RCOR1: variants seen among roughly 807,000 people sequenced by gnomAD.
The protein encoded by RCOR1 is REST corepressor.
RCOR1 carries 12 observed loss-of-function variants against 64.0 expected under a neutral mutation model. The ratio of observed to expected loss-of-function variants is 0.19; its 90% CI spans 0.12 to 0.30. The LOEUF is 0.30. RCOR1 is among the 10% of genes least tolerant of loss of function. The pLI, the probability that RCOR1 is intolerant of heterozygous loss-of-function variation, is 1.00. For missense variants in RCOR1, 502 were observed against 621.2 expected (o/e 0.81, Z 2.04); for synonymous variants, 279 against 227.2 (o/e 1.23, Z -2.05).
intron 6 of RCOR1, 56 bp downstream of exon 6, chr14:102,708,639 A>G (rs529322884): frequency 3.2e-6 from 3 of 945,526 alleles, no homozygotes; most frequent in African/African-American, 3.3e-5. Context: ...TAAGAGCCCC[A>G]GATACACAAA....
chr14:102,719,940 CT>C (rs1896144112), intron 8 of RCOR1, among the ~76,000 whole-genome samples: 1 of 152,162 alleles, frequency 6.6e-6, no homozygotes, highest in Non-Finnish European at 1.5e-5. Flanking sequence ...AATCTGAGTA[CT>C]TTGCAATTTT....
chr14:102,644,763 C>A (rs1260981473), intron 2 of RCOR1, among the ~76,000 whole-genome samples: 1 of 152,192 alleles, frequency 6.6e-6, no homozygotes, highest in Non-Finnish European at 1.5e-5. Context: ...AAAGAGGAAA[C>A]AGGAGGCACA....
intron 3 of RCOR1, among the ~76,000 whole-genome samples, chr14:102,700,451 A>T (rs930568317): frequency 2.0e-5 from 3 of 152,080 alleles, no homozygotes; most frequent in African/African-American, 7.2e-5. Flanking sequence ...CGAACTCCTG[A>T]CCTCAAAGTG....
rs577058401 is a variant in RCOR1, at chr14:102,658,095, C to T, written c.362-23800C>T. The stretch of plus-strand genomic sequence containing the variant: ...GTTCAGGTGATTCTCCTGCCTCAGC[C>T]TCCCAAGTAATTGGGATTACAGATG... On this transcript the variant is annotated intron_variant, in intron 2 of 11. Transcript: ENST00000262241. 1.1e-5 allele frequency: 3 copies of T among 276,612 alleles called. No individual in the cohort carries two copies. In the South Asian group the frequency reaches 4.1e-4, roughly 38 times the overall value. The allele number at this position is 276,612 out of a possible 1,614,324, so 17.1% of individuals were successfully genotyped here. A position where few individuals can be genotyped will look rare whatever the true frequency, so the allele number is the denominator to read the frequency against.
intron 2 of RCOR1, chr14:102,657,768 G>T (rs1894754870): frequency 3.6e-5 from 21 of 577,818 alleles, no homozygotes; most frequent in Non-Finnish European, 4.6e-5. Context: ...AACCCCAGAG[G>T]CGGAGGTTGC....
intron 7 of RCOR1, 43 bp downstream of exon 7, chr14:102,711,056 T>TA: frequency 7.9e-7 from 1 of 1,263,730 alleles, no homozygotes; most frequent in Non-Finnish European, 1.1e-6. Flanking sequence ...TAAATTTTAT[T>TA]ACTAGTTTCA....
At chr14:102,672,815 T>G (rs1012062724) in intron 2 of RCOR1, among the ~76,000 whole-genome samples, 2 of 152,224 alleles carry the variant, frequency 1.3e-5, no homozygotes, top group Admixed American at 6.5e-5. Flanking sequence ...AATGTAAATG[T>G]AAATTGCTGT....
At chr14:102,726,168 G>A (rs1279942835) in intron 11 of RCOR1, among the ~76,000 whole-genome samples, 1 of 151,678 alleles carries the variant, frequency 6.6e-6, no homozygotes, top group Non-Finnish European at 1.5e-5. Flanking sequence ...CTCTACTGAA[G>A]GTACAAAAAT....
intron 2 of RCOR1, among the ~76,000 whole-genome samples, chr14:102,670,463 A>G (rs118146310): frequency 0.01 from 1,558 of 152,256 alleles, 15 homozygotes; most frequent in Admixed American, 0.015. Flanking sequence ...AGGTAACGGT[A>G]CTATGAATGT....
intron 3 of RCOR1, among the ~76,000 whole-genome samples, chr14:102,686,240 C>G (rs888392354): frequency 9.2e-5 from 14 of 151,868 alleles, no homozygotes; most frequent in African/African-American, 3.4e-4. Flanking sequence ...AGATTTTTGC[C>G]CCTTAATACA....
intron 2 of RCOR1, among the ~76,000 whole-genome samples, chr14:102,665,117 T>C (rs1286279366): frequency 6.6e-6 from 1 of 152,122 alleles, no homozygotes; most frequent in Non-Finnish European, 1.5e-5. Flanking sequence ...GCGATTCTTC[T>C]GCCTCAGCCT....
At chr14:102,669,366 C>T (rs1474987263) in intron 2 of RCOR1, among the ~76,000 whole-genome samples, 1 of 151,682 alleles carries the variant, frequency 6.6e-6, no homozygotes, top group Non-Finnish European at 1.5e-5. Flanking sequence ...AAAGTTGCTT[C>T]TGACTTCCTC....
chr14:102,659,713 C>T (rs1389077137), intron 2 of RCOR1, among the ~76,000 whole-genome samples: 1 of 152,122 alleles, frequency 6.6e-6, no homozygotes, highest in Non-Finnish European at 1.5e-5. Context: ...GAAGTAGTGT[C>T]ACATGGACAG....
rs1187726783 is a variant in RCOR1, at chr14:102,727,939, GT to G, written c.*1435del. The G allele has an allele frequency of 5.9e-5, 9 of 152,192 alleles. No homozygotes were observed. The highest frequency in any genetic ancestry group is 1.3e-4 in the Admixed American group (2 of 15,280). 9.4% of individuals were successfully genotyped at this position (152,192 alleles called of 1,614,324 possible). On this transcript the variant is annotated 3_prime_UTR_variant, in exon 12 of 12. Coordinates refer to ENST00000262241, the MANE Select transcript of RCOR1 (RefSeq NM_015156.4). Reference sequence around the variant, plus strand: ...TCAATACGCTGAAGTCGCTTTTGTTGTTGTTGTTGTTGTTTGCATCATTTGG... The same window carrying G: ...TCAATACGCTGAAGTCGCTTTTGTTGTGTTGTTGTTGTTTGCATCATTTGG...
At chr14:102,719,713 T>C (rs1896140538) in intron 8 of RCOR1, among the ~76,000 whole-genome samples, 1 of 152,232 alleles carries the variant, frequency 6.6e-6, no homozygotes, top group Non-Finnish European at 1.5e-5. Context: ...GAATTTTAGA[T>C]GTTTTGCATT....
At chr14:102,616,658 A>C (rs1216389871) in intron 2 of RCOR1, among the ~76,000 whole-genome samples, 4 of 152,098 alleles carry the variant, frequency 2.6e-5, no homozygotes, top group South Asian at 2.1e-4. Flanking sequence ...TAGCACTGGC[A>C]CTTCTGTCTT....
chr14:102,669,032 G>A (rs1475917093), intron 2 of RCOR1, among the ~76,000 whole-genome samples: 3 of 152,176 alleles, frequency 2.0e-5, no homozygotes, highest in African/African-American at 7.2e-5. Context: ...ATAGTTTGTA[G>A]AAAGATACAG....
intron 2 of RCOR1, among the ~76,000 whole-genome samples, chr14:102,601,293 T>A (rs928089250): frequency 1.3e-5 from 2 of 151,648 alleles, no homozygotes; most frequent in Non-Finnish European, 2.9e-5. Flanking sequence ...GATTACAGGC[T>A]TGAGCCACCG....
intron 2 of RCOR1, among the ~76,000 whole-genome samples, chr14:102,638,837 AT>A (rs1359482622): frequency 6.6e-6 from 1 of 151,742 alleles, no homozygotes; most frequent in African/African-American, 2.4e-5. Flanking sequence ...TAATGTTTGT[AT>A]TTTTAGTGGA....
Sources: allele counts gnomAD v4.1 joint callset (sites outside exome capture counted in the v4.1 genomes callset), GRCh38; gene constraint gnomAD v4.1.1; transcripts MANE v1.5; gene names NCBI Gene and HGNC (gene_info 2026-07-23, HGNC 2026-07-21).